GLRA2: variants seen among roughly 807,000 people sequenced by gnomAD.
GLRA2 encodes the protein glycine receptor subunit alpha-2.
GLRA2 carries 11 observed loss-of-function variants against 31.6 expected under a neutral mutation model. The observed-to-expected ratio is 0.35, with a 90% CI of 0.22 to 0.58. The LOEUF (loss-of-function observed/expected upper bound fraction) is 0.58, where lower values mean the gene tolerates loss of function less well. Among genes scored for constraint, GLRA2 ranks in the 20% least tolerant of loss-of-function variants. The pLI is 0.84. For synonymous variants in GLRA2, 132 were observed against 134.0 expected (o/e 0.99, Z 0.10); for missense variants, 212 against 351.8 (o/e 0.60, Z 3.18).
chrX:14,688,336 A>G (rs765954510), intron 7 of GLRA2, among the ~76,000 whole-genome samples: 21 of 111,631 alleles, frequency 1.9e-4, no homozygotes, highest in African/African-American at 6.8e-4. Flanking sequence ...GCTGTCAGAC[A>G]GGGACATTTA....
At position 14,731,335 on chromosome X, in the gene GLRA2, A is replaced by ATATT. The variant is rs1324387115; in HGVS notation, c.*852_*855dup. Reference sequence around the variant, plus strand: ...ATATCCAAGTTAGTGCATTATATATATATTTTTGCTTTGGCTATATTTACA... The same window carrying ATATT: ...ATATCCAAGTTAGTGCATTATATATATATTTATTTTTGCTTTGGCTATATTTACA... On this transcript the variant is annotated 3_prime_UTR_variant, in exon 9 of 9. Transcript: ENST00000218075. 8.9e-6 allele frequency: 1 copy of ATATT among 112,193 alleles called. No homozygotes were observed. Among genetic ancestry groups the ATATT allele is most frequent in the Non-Finnish European group, 1.9e-5 (1 of 53,256 alleles). 9.2% of individuals were successfully genotyped at this position (112,193 alleles called of 1,213,427 possible). A position where few individuals can be genotyped will look rare whatever the true frequency, so the allele number is the denominator to read the frequency against.
chrX:14,647,616 C>T (rs1268141567), intron 7 of GLRA2, among the ~76,000 whole-genome samples: 1 of 111,727 alleles, frequency 9.0e-6, no homozygotes, highest in African/African-American at 3.3e-5. Flanking sequence ...TGGTGAGAAG[C>T]TAAGGAAAAA....
At chrX:14,652,936 G>A (rs1024404702) in intron 7 of GLRA2, among the ~76,000 whole-genome samples, 6 of 111,561 alleles carry the variant, frequency 5.4e-5, no homozygotes, top group African/African-American at 2.0e-4. Flanking sequence ...GGCCTCTTGT[G>A]CCAAACAGTC....
chrX:14,549,962 A>G (rs758898556), intron 2 of GLRA2, among the ~76,000 whole-genome samples: 12 of 111,391 alleles, frequency 1.1e-4, no homozygotes, highest in Non-Finnish European at 2.1e-4. Context: ...AGATGCAGTC[A>G]TTGATATTAA....
chrX:14,482,316 G>GT, the GLRA2 span, among the ~76,000 whole-genome samples: 2 of 111,640 alleles, frequency 1.8e-5, no homozygotes, highest in Non-Finnish European at 3.8e-5. Flanking sequence ...TAGGTGGGTT[G>GT]TTCCATTTAT....
intron 4 of GLRA2, among the ~76,000 whole-genome samples, chrX:14,589,774 A>G (rs1402066072): frequency 5.6e-5 from 6 of 107,441 alleles, no homozygotes; most frequent in East Asian, 5.8e-4. Context: ...ATATATATGT[A>G]TATATATATG....
At chrX:14,511,987 G>A in the GLRA2 span, among the ~76,000 whole-genome samples, 1 of 111,587 alleles carries the variant, frequency 9.0e-6, no homozygotes, top group East Asian at 2.8e-4. Flanking sequence ...TTAATACCAT[G>A]TGCCATAGCC....
At chrX:14,465,915 G>A in the GLRA2 span, among the ~76,000 whole-genome samples, 24 of 111,976 alleles carry the variant, frequency 2.1e-4, no homozygotes, top group Admixed American at 1.7e-3. Flanking sequence ...TTATAATTGT[G>A]TTTAGCCCTA....
chrX:14,559,419 C>CTTTTTT (rs753470377), intron 2 of GLRA2, among the ~76,000 whole-genome samples: 106 of 48,567 alleles, frequency 2.2e-3, no homozygotes, highest in Non-Finnish European at 2.5e-3. Flanking sequence ...GGGGCCATTT[C>CTTTTTT]TTTTTTTTTT....
chrX:14,502,623 A>G, the GLRA2 span, among the ~76,000 whole-genome samples: 2 of 111,047 alleles, frequency 1.8e-5, no homozygotes, highest in African/African-American at 3.3e-5. Context: ...TAGCCACAAT[A>G]TTTTCAATAA....
chrX:14,627,793 G>A (rs2090604335), intron 7 of GLRA2, among the ~76,000 whole-genome samples: 2 of 111,689 alleles, frequency 1.8e-5, no homozygotes, highest in African/African-American at 6.5e-5. Flanking sequence ...ACCTAATAAT[G>A]TTTCTTGCCC....
At chrX:14,622,755 A>G (rs1292048832) in intron 7 of GLRA2, among the ~76,000 whole-genome samples, 1 of 111,926 alleles carries the variant, frequency 8.9e-6, no homozygotes, top group African/African-American at 3.2e-5. Flanking sequence ...TGGTTACTGT[A>G]GCCTTGTAGT....
At chrX:14,563,434 C>A (rs748011944) in intron 2 of GLRA2, among the ~76,000 whole-genome samples, 1 of 112,324 alleles carries the variant, frequency 8.9e-6, no homozygotes, top group Non-Finnish European at 1.9e-5. Context: ...TTTGGAAAGT[C>A]ACTAAGCAAA....
chrX:14,580,570 C>G (rs188541914), intron 3 of GLRA2, among the ~76,000 whole-genome samples: 201 of 112,235 alleles, frequency 1.8e-3, no homozygotes, highest in Admixed American at 6.0e-3. Context: ...GATAAAGCAT[C>G]AAGTTGGCTA....
At chrX:14,565,940 C>T (rs1452161396) in intron 2 of GLRA2, among the ~76,000 whole-genome samples, 1 of 110,924 alleles carries the variant, frequency 9.0e-6, no homozygotes, top group African/African-American at 3.3e-5. Flanking sequence ...CAAACTAAAC[C>T]CAAAGTTATC....
At chrX:14,525,603 A>G, upstream of GLRA2, among the ~76,000 whole-genome samples, 1 of 111,574 alleles carries the variant, frequency 9.0e-6, no homozygotes, top group Non-Finnish European at 1.9e-5. Flanking sequence ...TATTATGAGA[A>G]TGACACTGAG....
chrX:14,475,685 A>G, the GLRA2 span, among the ~76,000 whole-genome samples: 48 of 111,445 alleles, frequency 4.3e-4, no homozygotes, highest in African/African-American at 1.4e-3. Context: ...TTACATTTCA[A>G]TCACGCACAC....
At chrX:14,700,029 G>T (rs2091516345) in intron 8 of GLRA2, among the ~76,000 whole-genome samples, 1 of 111,227 alleles carries the variant, frequency 9.0e-6, no homozygotes, top group Non-Finnish European at 1.9e-5. Context: ...ATGGGTACTA[G>T]GCTTAAGACC....
chrX:14,632,295 A>C, intron 7 of GLRA2, among the ~76,000 whole-genome samples: 1 of 111,137 alleles, frequency 9.0e-6, no homozygotes, highest in Admixed American at 9.6e-5. Flanking sequence ...CTTGACGTTA[A>C]GTGGCAATCA....
Sources: gnomAD v4.1 joint callset for allele counts (sites outside exome capture counted in the v4.1 genomes callset) on GRCh38, gnomAD v4.1.1 for gene constraint, MANE v1.5 for transcripts, NCBI Gene and HGNC (gene_info 2026-07-23, HGNC 2026-07-21) for gene names.